The following CST8 variants were observed in gnomAD, a reference collection of about 807,000 sequenced individuals.
CST8 encodes cystatin 8.
In CST8, 20 loss-of-function variants were observed where a neutral mutation model predicts 11.8. The ratio of observed to expected loss-of-function variants is 1.70; its 90% CI spans 1.20 to 2.47. The LOEUF (loss-of-function observed/expected upper bound fraction) is 2.47, where lower values mean the gene tolerates loss of function less well. CST8 is among the 30% of genes most tolerant of loss of function. The probability of loss-of-function intolerance (pLI) is 0.00; values close to 1 mark genes in which losing one functional copy is unlikely to be tolerated. For synonymous variants in CST8, 77 were observed against 63.1 expected (o/e 1.22, Z -1.05); for missense variants, 196 against 167.2 (o/e 1.17, Z -0.95).
intron 2 of CST8, 95 bp from the exon 3 acceptor site, chr20:23,492,863 G>C (rs1478905844): frequency 6.4e-6 from 5 of 781,408 alleles, no homozygotes; most frequent in Non-Finnish European, 1.1e-5. Context: ...GAAGGAAAGA[G>C]GAAAGGACGA....
downstream of CST8, chr20:23,496,025 C>T (rs1346586081): frequency 3.7e-5 from 31 of 831,698 alleles, 1 homozygote; most frequent in Admixed American, 7.5e-4. Flanking sequence ...TGCCTCTCTG[C>T]TTGGTGTTTT....
At position 23,491,145 on chromosome 20, in the gene CST8, A is replaced by T. The variant is rs893587745; in HGVS notation, c.-341A>T. Reference sequence around the variant, plus strand: ...GACCCTTGACTGGGCCACAGGCATGAACTAAGAGTGCTGAAGACCTAGGAG... The same window carrying T: ...GACCCTTGACTGGGCCACAGGCATGTACTAAGAGTGCTGAAGACCTAGGAG... On this transcript the variant is annotated 5_prime_UTR_variant, in exon 1 of 4. Coordinates refer to ENST00000246012, the MANE Select transcript of CST8 (RefSeq NM_005492.4). 1 of 155,918 alleles carries T rather than the reference A, an allele frequency of 6.4e-6. No homozygotes were observed. Among genetic ancestry groups the T allele is most frequent in the African/African-American group, 2.4e-5 (1 of 41,444 alleles). The allele number at this position is 155,918 out of a possible 1,614,324, so 9.7% of individuals were successfully genotyped here. A position where few individuals can be genotyped will look rare whatever the true frequency, so the allele number is the denominator to read the frequency against.
intron 3 of CST8, among the ~76,000 whole-genome samples, chr20:23,494,687 C>A (rs1285734101): frequency 6.6e-6 from 1 of 152,166 alleles, no homozygotes; most frequent in Admixed American, 6.5e-5. Flanking sequence ...GTCACATACA[C>A]ATAGGATATT....
chr20:23,495,921 T>A lies in CST8; in HGVS notation c.*7T>A. The stretch of plus-strand genomic sequence containing the variant: ...AAAGTGTGAAGATGCTTAATGGTGT[T>A]TTGAGGCATCCCTCCAACCTCTGTG... On this transcript the variant is annotated 3_prime_UTR_variant, in exon 4 of 4. Transcript: ENST00000246012. 6.2e-7 allele frequency: 1 copy of A among 1,605,638 alleles called. No homozygotes were observed. Among genetic ancestry groups the A allele is most frequent in the Non-Finnish European group, 8.5e-7 (1 of 1,174,650 alleles).
chr20:23,493,185 C>A, intron 3 of CST8, 114 bp downstream of exon 3: 1 of 716,300 alleles, frequency 1.4e-6, no homozygotes, highest in Middle Eastern at 2.4e-4. Context: ...TGTTTAGCCC[C>A]AGATAGCCAA....
chr20:23,492,985 G>A lies in CST8; in HGVS notation c.259G>A (p.Asp87Asn), dbSNP rs1987935145. 1.2e-6 allele frequency: 2 copies of A among 1,608,514 alleles called. No individual in the cohort carries two copies. Among genetic ancestry groups the A allele is most frequent in the Non-Finnish European group, 1.7e-6 (2 of 1,175,362 alleles). The change falls in exon 3 of 4, where the codon GAT (aspartate) becomes AAT (asparagine). Residue 87 changes from aspartate to asparagine, a missense_variant. Physicochemically the swap from Asp to Asn is conservative, Grantham distance 23 (BLOSUM62 1). Coordinates refer to ENST00000246012, the MANE Select transcript of CST8 (RefSeq NM_005492.4). ...QVTNLLEYLIDVEIARSDCRK... is the reference protein window; with the variant it reads ...QVTNLLEYLINVEIARSDCRK... ...CACAAATCTTCTGGAATACCTTATT[G>A]ATGTAGAAATTGCCCGCAGCGATTG...
intron 3 of CST8, among the ~76,000 whole-genome samples, chr20:23,494,416 C>G (rs931387161): frequency 1.3e-5 from 2 of 152,136 alleles, no homozygotes; most frequent in African/African-American, 4.8e-5. Flanking sequence ...AAAACTTTCT[C>G]TTTTTCCAAG....
intron 2 of CST8, among the ~76,000 whole-genome samples, chr20:23,492,466 G>C (rs932313713): frequency 2.6e-5 from 4 of 152,218 alleles, no homozygotes; most frequent in African/African-American, 9.7e-5. Flanking sequence ...GTGCTGAGCT[G>C]GTGGGAGGGG....
downstream of CST8, among the ~76,000 whole-genome samples, chr20:23,499,439 G>A (rs1464276488): frequency 3.3e-5 from 5 of 152,052 alleles, no homozygotes; most frequent in African/African-American, 1.2e-4. Flanking sequence ...GCATTCACAT[G>A]GACTCACTCT....
chr20:23,495,660 T>C (rs1988019836), intron 3 of CST8, among the ~76,000 whole-genome samples, 171 bp from the exon 4 acceptor site: 1 of 152,176 alleles, frequency 6.6e-6, no homozygotes, highest in Non-Finnish European at 1.5e-5. Flanking sequence ...CTGATGGCTA[T>C]GAAGTCTGCA....
At chr20:23,504,773 A>G in the CST8 span, among the ~76,000 whole-genome samples, 1 of 152,196 alleles carries the variant, frequency 6.6e-6, no homozygotes, top group African/African-American at 2.4e-5. Context: ...ATGGAACAAA[A>G]GATCTGGCAA....
intron 2 of CST8, 68 bp downstream of exon 2, chr20:23,491,966 G>A: frequency 3.1e-6 from 4 of 1,269,954 alleles, no homozygotes; most frequent in South Asian, 1.2e-5. Context: ...GACTGAAAGA[G>A]TGGGCATATA....
chr20:23,496,760 G>T (rs1988057198), downstream of CST8, among the ~76,000 whole-genome samples: 1 of 152,128 alleles, frequency 6.6e-6, no homozygotes, highest in Non-Finnish European at 1.5e-5. Flanking sequence ...CCATTTTAGA[G>T]GCCTACCCTC....
the CST8 span, among the ~76,000 whole-genome samples, chr20:23,501,218 C>T: frequency 1.6e-4 from 24 of 152,328 alleles, no homozygotes; most frequent in East Asian, 1.9e-3. Flanking sequence ...CCAATAACTA[C>T]GACTCCTCCA....
chr20:23,492,834 C>G, intron 2 of CST8, 124 bp from the exon 3 acceptor site: 1 of 703,712 alleles, frequency 1.4e-6, no homozygotes, highest in Admixed American at 2.0e-5. Context: ...CGCTAAAGCT[C>G]TGTCTGGGGG....
At chr20:23,492,732 G>A (rs986508884) in intron 2 of CST8, among the ~76,000 whole-genome samples, 7 of 152,164 alleles carry the variant, frequency 4.6e-5, no homozygotes, top group African/African-American at 1.7e-4. Flanking sequence ...CTGGAGAGGA[G>A]TCTTTACTCA....
At position 23,492,900 on chromosome 20, in the gene CST8, C is replaced by CA. The variant is rs1987931423; in HGVS notation, c.232-54dup. ...AGTAAGAGTAATTTTTTTTTTTTGT[C>CA]AAAACTTTAAAAAAGTACAACTCTT... is the stretch of plus-strand genomic sequence containing the variant. On this transcript the variant is annotated intron_variant, in intron 2 of 3. Transcript: ENST00000246012. 5 of 1,025,152 alleles carry CA rather than the reference C, an allele frequency of 4.9e-6. No individual in the cohort carries two copies. The South Asian group carries it at 6.7e-5, about 14-fold the overall frequency. The allele number at this position is 1,025,152 out of a possible 1,614,324, so 63.5% of individuals were successfully genotyped here. A position where few individuals can be genotyped will look rare whatever the true frequency, so the allele number is the denominator to read the frequency against.
At position 23,492,867 on chromosome 20, in the gene CST8, A is replaced by G. The variant is rs908382331; in HGVS notation, c.232-91A>G. On this transcript the variant is annotated intron_variant, in intron 2 of 3. Transcript: ENST00000246012. ...GGGTGAGGGAGGAAGGAAAGAGGAA[A>G]GGACGAGAGTAAGAGTAATTTTTTT... 6.3e-6 allele frequency: 5 copies of G among 791,890 alleles called. No homozygotes were observed. In the Admixed American group the frequency reaches 9.1e-5, roughly 14 times the overall value. 49.1% of individuals were successfully genotyped at this position (791,890 alleles called of 1,614,324 possible).
At chr20:23,506,246 C>T in the CST8 span, among the ~76,000 whole-genome samples, 3 of 152,168 alleles carry the variant, frequency 2.0e-5, no homozygotes, top group Non-Finnish European at 4.4e-5. Flanking sequence ...ACAAGACGGA[C>T]ACACCGGGAA....
Sources: allele counts gnomAD v4.1 joint callset (sites outside exome capture counted in the v4.1 genomes callset), GRCh38; gene constraint gnomAD v4.1.1; transcripts MANE v1.5; gene names NCBI Gene and HGNC (gene_info 2026-07-23, HGNC 2026-07-21).